CLPX: variants seen among roughly 807,000 people sequenced by gnomAD.
CLPX encodes ATP-dependent clpX-like chaperone, mitochondrial.
A neutral mutation model predicts 76.4 loss-of-function variants in CLPX; 34 were observed. The observed-to-expected ratio is 0.45, with a 90% CI of 0.34 to 0.59. The LOEUF (loss-of-function observed/expected upper bound fraction) is 0.59, where lower values mean the gene tolerates loss of function less well. CLPX is among the 20% of genes least tolerant of loss of function. The probability of loss-of-function intolerance (pLI) is 0.01; values close to 1 mark genes in which losing one functional copy is unlikely to be tolerated. For missense variants in CLPX, 613 were observed against 757.0 expected (o/e 0.81, Z 2.23); for synonymous variants, 248 against 270.9 (o/e 0.92, Z 0.83).
At position 65,185,191 on chromosome 15, in the gene CLPX, A is replaced by G. The variant is rs763373829; in HGVS notation, c.-38T>C. 1.5e-4 allele frequency: 229 copies of G among 1,509,856 alleles called. 2 individuals are homozygous for G. Among genetic ancestry groups the G allele is most frequent in the Non-Finnish European group, 6.3e-6 (7 of 1,110,954 alleles). 93.5% of individuals were successfully genotyped at this position (1,509,856 alleles called of 1,614,324 possible). A position where few individuals can be genotyped will look rare whatever the true frequency, so the allele number is the denominator to read the frequency against. Reference sequence around the variant, plus strand: ...TAGGCCGGGGCTTCGCCCCCTGAGGACCTCCGGGTCACAGCGGCGTGAATC... The same window carrying G: ...TAGGCCGGGGCTTCGCCCCCTGAGGGCCTCCGGGTCACAGCGGCGTGAATC... On this transcript the variant is annotated 5_prime_UTR_variant, in exon 1 of 14. Coordinates refer to ENST00000300107, the MANE Select transcript of CLPX (RefSeq NM_006660.5).
Position 65,157,897 on chromosome 15 carries a change from C to T in CLPX, c.906G>A (p.Leu302=). 1.3e-6 allele frequency: 2 copies of T among 1,592,390 alleles called. No homozygotes were observed. The highest frequency in any genetic ancestry group is 1.4e-5 in the African/African-American group (1 of 73,918). Reference sequence around the variant, plus strand: ...CAAGGCATTTAGCTAGGGTTTGTGCCAGCAGAGTTTTACCTACAAATAGAA... The same window carrying T: ...CAAGGCATTTAGCTAGGGTTTGTGCTAGCAGAGTTTTACCTACAAATAGAA... ...LGPTGSGKTL[L]AQTLAKCLDV... Residue 302 remains leucine, a synonymous_variant, in exon 8 of 14, where the codon CTG becomes CTA. Transcript: ENST00000300107.
intron 11 of CLPX, chr15:65,154,574 T>C (rs761541604): frequency 1.9e-6 from 1 of 520,216 alleles, no homozygotes; most frequent in South Asian, 2.8e-5. Context: ...TAGGCTATAA[T>C]GATGGTTTTA....
chr15:65,185,223 G>C lies in CLPX; in HGVS notation c.-70C>G. 7.6e-7 allele frequency: 1 copy of C among 1,321,616 alleles called. No homozygotes were observed. Among genetic ancestry groups the C allele is most frequent in the Non-Finnish European group, 1.1e-6 (1 of 947,518 alleles). 81.9% of individuals were successfully genotyped at this position (1,321,616 alleles called of 1,614,324 possible). A position where few individuals can be genotyped will look rare whatever the true frequency, so the allele number is the denominator to read the frequency against. On this transcript the variant is annotated 5_prime_UTR_variant, in exon 1 of 14. Transcript: ENST00000300107. ...GGTCACAGCGGCGTGAATCCTGCCCGCAAGGCGCGCTGACTCGGTTCCGAA... is the reference window on the plus strand; with the variant it reads ...GGTCACAGCGGCGTGAATCCTGCCCCCAAGGCGCGCTGACTCGGTTCCGAA...
chr15:65,180,192 C>A lies in CLPX; in HGVS notation c.92G>T (p.Gly31Val), dbSNP rs756445675. ...TCCTAAAACTGACATATGAATGCGA[C>A]CACCAGAAATACCTGAAAATAAAAG... ...LASAQRGISG[G>V]RIHMSVLGRL... The change falls in exon 2 of 14, where the codon GGT (glycine) becomes GTT (valine). Residue 31 changes from glycine to valine, a missense_variant. This residue lies in a region of CLPX where 163 missense variants were observed against 118.4 expected (regional missense o/e 1.38). Transcript: ENST00000300107. The A allele has an allele frequency of 6.3e-7, 1 of 1,593,848 alleles. No homozygotes were observed. The highest frequency in any genetic ancestry group is 8.5e-7 in the Non-Finnish European group (1 of 1,170,130).
intron 4 of CLPX, among the ~76,000 whole-genome samples, chr15:65,165,089 C>T (rs934467213): frequency 2.0e-5 from 3 of 152,068 alleles, no homozygotes; most frequent in Non-Finnish European, 4.4e-5. Flanking sequence ...GTAATCCCTG[C>T]ACTTTGGGAG....
intron 11 of CLPX, 100 bp from the exon 12 acceptor site, chr15:65,153,739 A>G (rs2087753848): frequency 1.6e-6 from 1 of 627,024 alleles, no homozygotes; most frequent in African/African-American, 1.9e-5. Flanking sequence ...GGTGTTTTGG[A>G]ACCCTGCCTT....
intron 10 of CLPX, among the ~76,000 whole-genome samples, chr15:65,155,335 C>T (rs1429741879): frequency 1.3e-5 from 2 of 152,128 alleles, no homozygotes; most frequent in African/African-American, 4.8e-5. Flanking sequence ...CTGCAACCTC[C>T]GCCTCCTGGG....
At chr15:65,166,852 G>C in intron 3 of CLPX, 67 bp from the exon 4 acceptor site, 2 of 1,458,200 alleles carry the variant, frequency 1.4e-6, no homozygotes, top group Non-Finnish European at 1.9e-6. Flanking sequence ...TAACCTTAAA[G>C]ACTCCACTGT....
At chr15:65,178,155 G>A (rs1028578202) in intron 3 of CLPX, among the ~76,000 whole-genome samples, 11 of 152,088 alleles carry the variant, frequency 7.2e-5, no homozygotes, top group African/African-American at 2.7e-4. Flanking sequence ...TCCCGGAATT[G>A]AGGGCTTACC....
At chr15:65,184,955 G>A (rs1031416129) in intron 1 of CLPX, 120 bp downstream of exon 1, 3 of 810,140 alleles carry the variant, frequency 3.7e-6, no homozygotes, top group Non-Finnish European at 2.1e-6. Context: ...GAAGCGCCGC[G>A]CATTCCCTCA....
Position 65,163,550 on chromosome 15 carries a change from T to C in CLPX, c.673+479A>G, listed in dbSNP as rs74548576. ...TTCATATTTACTCTATGCATAATTGTTTTTAATAAATCATTCTATTAATAT... is the reference window on the plus strand; with the variant it reads ...TTCATATTTACTCTATGCATAATTGCTTTTAATAAATCATTCTATTAATAT... On this transcript the variant is annotated intron_variant, in intron 5 of 13. Transcript: ENST00000300107. 5.9e-5 allele frequency among the ~76,000 whole-genome samples: 9 copies of C among 152,294 alleles called. No homozygotes were observed. In the East Asian group the frequency reaches 1.7e-3, roughly 29 times the overall value.
chr15:65,166,837 G>C (rs751326600), intron 3 of CLPX, 52 bp from the exon 4 acceptor site: 13 of 1,551,702 alleles, frequency 8.4e-6, no homozygotes, highest in Middle Eastern at 2.1e-4. Flanking sequence ...AATTCCAATA[G>C]TGTTTAACCT....
Position 65,152,503 on chromosome 15 carries a change from G to A in CLPX, c.1738C>T (p.Pro580Ser). 3 of 1,540,364 alleles carry A rather than the reference G, an allele frequency of 1.9e-6. No individual in the cohort carries two copies. Among genetic ancestry groups the A allele is most frequent in the Admixed American group, 2.0e-5 (1 of 50,690 alleles). The change falls in exon 13 of 14, where the codon CCT becomes TCT. Residue 580 changes from proline (P) to serine (S), a missense_variant. Physicochemically the swap from Pro to Ser is moderately conservative, Grantham distance 74 (BLOSUM62 -1). Coordinates refer to ENST00000300107, the MANE Select transcript of CLPX (RefSeq NM_006660.5). ...TCCACACATACGATATCAGAATTAG[G>A]GACTTCAAACATTGGTTCTAGTAAC... The part of the protein sequence containing the change: ...KLLLEPMFEV[P>S]NSDIVCVEVD...
chr15:65,179,147 A>T (rs1267683526), intron 2 of CLPX, 96 bp from the exon 3 acceptor site: 1 of 631,460 alleles, frequency 1.6e-6, no homozygotes, highest in African/African-American at 1.9e-5. Flanking sequence ...TTAATTTTAT[A>T]ATCTTCTATA....
intron 1 of CLPX, among the ~76,000 whole-genome samples, chr15:65,184,671 G>C (rs1168294335): frequency 6.6e-6 from 1 of 152,236 alleles, no homozygotes; most frequent in Non-Finnish European, 1.5e-5. Context: ...ACGGGCCCGA[G>C]GGGGATCCCG....
intron 6 of CLPX, among the ~76,000 whole-genome samples, chr15:65,159,286 A>G (rs973535335): frequency 2.0e-5 from 3 of 152,196 alleles, no homozygotes; most frequent in African/African-American, 7.2e-5. Context: ...ACTAGATGTG[A>G]CTGACATTGC....
chr15:65,163,722 A>C (rs1048603458), intron 5 of CLPX, among the ~76,000 whole-genome samples: 1 of 152,070 alleles, frequency 6.6e-6, no homozygotes, highest in Non-Finnish European at 1.5e-5. Context: ...CCTGACCTCA[A>C]GTGATCCCCC....
intron 6 of CLPX, among the ~76,000 whole-genome samples, 191 bp downstream of exon 6, chr15:65,162,412 AC>A (rs1377041376): frequency 6.6e-5 from 10 of 152,192 alleles, no homozygotes; most frequent in Admixed American, 3.3e-4. Flanking sequence ...TGGAAACGAC[AC>A]AAATTAGCTA....
At chr15:65,158,181 C>A (rs2087813233) in intron 7 of CLPX, 2 of 334,136 alleles carry the variant, frequency 6.0e-6, no homozygotes, top group Admixed American at 9.2e-5. Flanking sequence ...TGCTACCACG[C>A]CCAACTAATA....
Sources: allele counts gnomAD v4.1 joint callset (sites outside exome capture counted in the v4.1 genomes callset), GRCh38; gene constraint gnomAD v4.1.1; regional missense constraint gnomAD v4.1.1; transcripts MANE v1.5; gene names NCBI Gene and HGNC (gene_info 2026-07-23, HGNC 2026-07-21).